The following SLC16A12 variants were observed in gnomAD, a reference collection of about 807,000 sequenced individuals.
The protein encoded by SLC16A12 is monocarboxylate transporter 12.
A neutral mutation model predicts 42.4 loss-of-function variants in SLC16A12; 17 were observed. The ratio of observed to expected loss-of-function variants is 0.40; its 90% CI spans 0.27 to 0.60. SLC16A12 has a LOEUF of 0.60. SLC16A12 is among the 20% of genes least tolerant of loss of function. The pLI is 0.42. For synonymous variants in SLC16A12, 224 were observed against 229.4 expected (o/e 0.98, Z 0.21); for missense variants, 544 against 623.0 (o/e 0.87, Z 1.35).
intron 2 of SLC16A12, among the ~76,000 whole-genome samples, chr10:89,518,784 C>G (rs1013100370): frequency 6.6e-6 from 1 of 152,136 alleles, no homozygotes; most frequent in Non-Finnish European, 1.5e-5. Flanking sequence ...TTCCACCTAC[C>G]CAACAATCCT....
chr10:89,434,590 AC>A (rs1841749062), intron 7 of SLC16A12, among the ~76,000 whole-genome samples: 1 of 152,070 alleles, frequency 6.6e-6, no homozygotes, highest in South Asian at 2.1e-4. Flanking sequence ...TTTTTATTCC[AC>A]CCCAATTGCT....
At chr10:89,542,987 C>T (rs148487783) in intron 2 of SLC16A12, among the ~76,000 whole-genome samples, 214 of 152,354 alleles carry the variant, frequency 1.4e-3, no homozygotes, top group African/African-American at 5.0e-3. Context: ...CATACTCTTT[C>T]CCATGTCTGG....
chr10:89,449,834 T>G (rs1411474425), intron 3 of SLC16A12, among the ~76,000 whole-genome samples: 2 of 152,096 alleles, frequency 1.3e-5, no homozygotes, highest in Non-Finnish European at 2.9e-5. Context: ...CTGCAGAATG[T>G]GAGAAAATTT....
chr10:89,523,761 C>T (rs182274248), intron 2 of SLC16A12, among the ~76,000 whole-genome samples: 1 of 152,210 alleles, frequency 6.6e-6, no homozygotes, highest in African/African-American at 2.4e-5. Flanking sequence ...ACAGTGCAGA[C>T]ACACTACACA....
chr10:89,554,103 G>GAAAGAAAGAAA (rs1843792216), intron 2 of SLC16A12, among the ~76,000 whole-genome samples: 1 of 103,142 alleles, frequency 9.7e-6, no homozygotes, highest in Non-Finnish European at 2.0e-5. Context: ...AAAGAAAGAA[G>GAAAGAAAGAAA]GAAGGAAGGA....
intron 2 of SLC16A12, among the ~76,000 whole-genome samples, chr10:89,530,127 T>A (rs1455224777): frequency 6.6e-6 from 1 of 152,214 alleles, no homozygotes; most frequent in Non-Finnish European, 1.5e-5. Flanking sequence ...TTCTATGTTA[T>A]TTTTCTTGGT....
chr10:89,441,222 A>G lies in SLC16A12; in HGVS notation c.334T>C (p.Leu112=), dbSNP rs747344226. 20 of 1,613,920 alleles carry G rather than the reference A, an allele frequency of 1.2e-5. No individual in the cohort carries two copies. In the East Asian group the frequency reaches 4.2e-4, roughly 34 times the overall value. The change falls in exon 5 of 8, where the codon TTA becomes CTA. Residue 112 remains leucine, a synonymous_variant. Transcript: ENST00000371790. Reference sequence around the variant, plus strand: ...AGCATGATTCCCACTTGACAGGATAAATGGTTACTGACAACACTCCCAAGT... The same window carrying G: ...AGCATGATTCCCACTTGACAGGATAGATGGTTACTGACAACACTCCCAAGT... ...APLGSVVSNH[L]SCQVGIMLGG...
chr10:89,541,419 A>AC (rs1444185963), intron 2 of SLC16A12, among the ~76,000 whole-genome samples: 3 of 151,886 alleles, frequency 2.0e-5, no homozygotes, highest in East Asian at 3.9e-4. Context: ...ACATACTGAG[A>AC]CCCCGTCTCT....
chr10:89,541,731 C>T (rs1312548020), intron 2 of SLC16A12, among the ~76,000 whole-genome samples: 3 of 152,206 alleles, frequency 2.0e-5, no homozygotes, highest in Non-Finnish European at 4.4e-5. Flanking sequence ...CATTGTAGAA[C>T]ATTTAGCAGC....
Position 89,439,024 on chromosome 10 carries a change from C to A in SLC16A12, c.608G>T (p.Trp203Leu). The change falls in exon 6 of 8, where the codon TGG (tryptophan) becomes TTG (leucine). Residue 203 changes from tryptophan to leucine, a missense_variant. Trp to Leu is a moderately conservative substitution (Grantham distance 61). Transcript: ENST00000371790. ...VVQLLIEQFS[W>L]RGALLILGGF... ...CCCAAGAATGAGTAAGGCTCCCCGC[C>A]AGGAAAACTGTTCAATAAGGAGCTG... The A allele has an allele frequency of 6.2e-7, 1 of 1,614,058 alleles. No individual in the cohort carries two copies. Among genetic ancestry groups the A allele is most frequent in the South Asian group, 1.1e-5 (1 of 91,064 alleles).
At chr10:89,498,836 G>A (rs868557532) in intron 2 of SLC16A12, among the ~76,000 whole-genome samples, 4 of 152,238 alleles carry the variant, frequency 2.6e-5, no homozygotes, top group Admixed American at 2.0e-4. Flanking sequence ...GTACCAGCCC[G>A]GAGCCTGGCA....
At chr10:89,508,084 T>C (rs1843096688) in intron 2 of SLC16A12, among the ~76,000 whole-genome samples, 1 of 152,102 alleles carries the variant, frequency 6.6e-6, no homozygotes, top group African/African-American at 2.4e-5. Flanking sequence ...AAGCAAGTAT[T>C]TAGAGACCTA....
At chr10:89,492,660 T>A (rs1371665412) in intron 2 of SLC16A12, among the ~76,000 whole-genome samples, 1 of 152,130 alleles carries the variant, frequency 6.6e-6, no homozygotes, top group Non-Finnish European at 1.5e-5. Context: ...TTTGGGCAAG[T>A]CTGAACTAAG....
intron 2 of SLC16A12, among the ~76,000 whole-genome samples, chr10:89,473,495 T>C (rs1405004156): frequency 6.6e-6 from 1 of 152,164 alleles, no homozygotes. Context: ...AACTTGGGAA[T>C]AGGCAAAGGT....
intron 2 of SLC16A12, among the ~76,000 whole-genome samples, chr10:89,492,656 C>T (rs1589703486): frequency 6.6e-6 from 1 of 151,914 alleles, no homozygotes; most frequent in African/African-American, 2.4e-5. Flanking sequence ...TTTATTTGGG[C>T]AAGTCTGAAC....
At chr10:89,461,216 C>T (rs1296580595) in intron 3 of SLC16A12, among the ~76,000 whole-genome samples, 3 of 152,186 alleles carry the variant, frequency 2.0e-5, no homozygotes, top group Non-Finnish European at 4.4e-5. Context: ...ATATTCAACA[C>T]TGACTTTGGA....
At chr10:89,485,873 TAA>T (rs1479392397) in intron 2 of SLC16A12, among the ~76,000 whole-genome samples, 1 of 152,146 alleles carries the variant, frequency 6.6e-6, no homozygotes, top group East Asian at 1.9e-4. Context: ...ACAATTGTAA[TAA>T]AGACTCACAT....
chr10:89,465,739 A>G (rs1842383880), intron 2 of SLC16A12, among the ~76,000 whole-genome samples: 1 of 152,138 alleles, frequency 6.6e-6, no homozygotes, highest in Non-Finnish European at 1.5e-5. Flanking sequence ...GTTAGGATTC[A>G]ACTCTATCTG....
intron 2 of SLC16A12, among the ~76,000 whole-genome samples, chr10:89,541,858 AT>A (rs536879635): frequency 6.6e-6 from 1 of 151,742 alleles, no homozygotes. Context: ...CTTTTATGTC[AT>A]TTTTTTCTGA....
Sources: allele counts gnomAD v4.1 joint callset (sites outside exome capture counted in the v4.1 genomes callset), GRCh38; gene constraint gnomAD v4.1.1; transcripts MANE v1.5; gene names NCBI Gene and HGNC (gene_info 2026-07-23, HGNC 2026-07-21).